Variants in CDH23 observed in about 807,000 individuals in gnomAD.
CDH23 encodes the protein cadherin related 23.
Under a neutral mutation model 317.1 loss-of-function variants are expected in CDH23, and 189 were observed. The ratio of observed to expected loss-of-function variants is 0.60; its 90% CI spans 0.53 to 0.67. CDH23 has a LOEUF of 0.67. Among genes scored for constraint, CDH23 ranks in the 30% least tolerant of loss-of-function variants. The probability of loss-of-function intolerance (pLI) is 0.00; values close to 1 mark genes in which losing one functional copy is unlikely to be tolerated. For missense variants in CDH23, 4,401 were observed against 4,592.4 expected, an observed-to-expected ratio of 0.96 and a Z score of 1.20; for synonymous variants, 1,839 against 1,876.8, an observed-to-expected ratio of 0.98 and a Z score of 0.52.
At position 71,535,361 on chromosome 10, in the gene CDH23, C is replaced by T. The variant is rs570356006; in HGVS notation, c.429+24149C>T. Among the ~76,000 whole-genome samples the T allele has an allele frequency of 5.9e-3, 899 of 152,334 alleles. 12 individuals are homozygous for T. Among genetic ancestry groups the T allele is most frequent in the Non-Finnish European group, 5.3e-3 (362 of 68,036 alleles). On this transcript the variant is annotated intron_variant, in intron 6 of 69. Transcript: ENST00000224721. ...TCACACAGGGCGTGGCCCCTCCTGC[C>T]TTTCCCAGCCCGTTCCGGTGGTGAG...
chr10:71,786,488 C>CTTTTTTTT (rs71018221), intron 44 of CDH23, among the ~76,000 whole-genome samples: 3 of 105,376 alleles, frequency 2.8e-5, no homozygotes, highest in African/African-American at 8.0e-5. Context: ...GCTTCCTACT[C>CTTTTTTTT]TTTTTTTTTT....
chr10:71,637,919 C>A (rs1460078724), intron 11 of CDH23, among the ~76,000 whole-genome samples: 1 of 151,138 alleles, frequency 6.6e-6, no homozygotes. Context: ...TGACCCTGGT[C>A]CTTCCTCTTC....
intron 14 of CDH23, among the ~76,000 whole-genome samples, chr10:71,673,435 T>C (rs548146905): frequency 1.3e-5 from 2 of 152,226 alleles, no homozygotes; most frequent in Non-Finnish European, 2.9e-5. Flanking sequence ...TGATTGTCAG[T>C]GGAACCTGGG....
chr10:71,484,297 C>T (rs1403517496), intron 3 of CDH23, among the ~76,000 whole-genome samples: 1 of 152,208 alleles, frequency 6.6e-6, no homozygotes, highest in Non-Finnish European at 1.5e-5. Context: ...GCAGACAGGG[C>T]CAAAGTGCTT....
intron 1 of CDH23, among the ~76,000 whole-genome samples, chr10:71,415,310 A>G (rs1317744513): frequency 1.3e-5 from 2 of 152,070 alleles, no homozygotes; most frequent in Admixed American, 6.6e-5. Context: ...TGCTTAGGCT[A>G]TTCTTCAAAT....
At chr10:71,488,235 G>A (rs1199749455) in intron 3 of CDH23, among the ~76,000 whole-genome samples, 1 of 152,236 alleles carries the variant, frequency 6.6e-6, no homozygotes, top group Non-Finnish European at 1.5e-5. Flanking sequence ...GAAGTGTGGA[G>A]GAAAGGCATT....
rs727505162 is a variant in CDH23 at position 71,810,516 on chromosome 10, A to G, written c.9024A>G (p.Glu3008=). The change falls in exon 62 of 70, where the codon GAA becomes GAG. Residue 3008 remains glutamate, a synonymous_variant. Coordinates refer to ENST00000224721, the MANE Select transcript of CDH23 (RefSeq NM_022124.6). ...KKGRVNFAQT[E]LLIHVVNRDT... ...GCCGGGTGAACTTTGCGCAGACAGAACTGCTTATCCACGTGGTGAACCGCG... is the reference window on the plus strand; with the variant it reads ...GCCGGGTGAACTTTGCGCAGACAGAGCTGCTTATCCACGTGGTGAACCGCG... The G allele has an allele frequency of 2.5e-6, 4 of 1,613,828 alleles. No homozygotes were observed. The highest frequency in any genetic ancestry group is 1.7e-5 in the Admixed American group (1 of 59,992).
chr10:71,548,120 A>C (rs1856386089), intron 6 of CDH23, among the ~76,000 whole-genome samples: 1 of 152,208 alleles, frequency 6.6e-6, no homozygotes, highest in Non-Finnish European at 1.5e-5. Context: ...TGACGTTCAG[A>C]AATGAGCACT....
intron 9 of CDH23, among the ~76,000 whole-genome samples, chr10:71,586,431 A>T (rs1016466883): frequency 6.6e-6 from 1 of 152,138 alleles, no homozygotes; most frequent in Non-Finnish European, 1.5e-5. Context: ...CACAGAATTG[A>T]TTTAAACGTA....
chr10:71,560,335 AG>A (rs1457650647), intron 6 of CDH23, among the ~76,000 whole-genome samples: 3 of 151,990 alleles, frequency 2.0e-5, no homozygotes, highest in Admixed American at 2.0e-4. Flanking sequence ...GCAATTTTGA[AG>A]TACCCTCCTT....
intron 38 of CDH23, among the ~76,000 whole-genome samples, chr10:71,754,668 T>C (rs755607784): frequency 1.3e-5 from 2 of 152,200 alleles, no homozygotes; most frequent in Non-Finnish European, 1.5e-5. Context: ...GGCAAGTTAC[T>C]TAACCCCTCT....
chr10:71,638,242 A>G (rs528046597), intron 11 of CDH23, among the ~76,000 whole-genome samples: 1 of 152,278 alleles, frequency 6.6e-6, no homozygotes, highest in African/African-American at 2.4e-5. Context: ...CTGTTCCTCA[A>G]CGTTGAACTG....
chr10:71,443,473 G>A (rs1464765620), intron 2 of CDH23, among the ~76,000 whole-genome samples: 1 of 152,246 alleles, frequency 6.6e-6, no homozygotes, highest in African/African-American at 2.4e-5. Flanking sequence ...CCCTCTCTGT[G>A]CCCTTCTCTC....
intron 13 of CDH23, 41 bp downstream of exon 13, chr10:71,646,021 G>A (rs200103711): frequency 1.9e-6 from 3 of 1,593,218 alleles, no homozygotes; most frequent in South Asian, 1.1e-5. Context: ...GGGGTGGGGG[G>A]TGGATTTCAG....
rs200324241 is a variant in CDH23, at chr10:71,646,614, C to A, written c.1446C>A (p.Val482=). 1.0e-4 allele frequency: 169 copies of A among 1,614,002 alleles called. 1 individual carries two copies. The African/African-American group carries it at 1.5e-3, about 15-fold the overall frequency. ...CCGTGGGGACCTCTGTGCTGACAGT[C>A]CTGGTGAGTCCCCGCTTCACTGCAG... ...NVTVGTSVLT[V]LATDNDAGTF... Residue 482 remains valine (V), a synonymous_variant, in exon 14 of 70, where the codon GTC becomes GTA. Transcript: ENST00000224721.
At chr10:71,613,883 A>C (rs1311478139) in intron 9 of CDH23, among the ~76,000 whole-genome samples, 1 of 152,236 alleles carries the variant, frequency 6.6e-6, no homozygotes, top group Non-Finnish European at 1.5e-5. Context: ...CCCATTCTCC[A>C]GGAACCACCT....
chr10:71,402,861 A>G (rs1847849189), intron 1 of CDH23, among the ~76,000 whole-genome samples: 1 of 151,966 alleles, frequency 6.6e-6, no homozygotes, highest in African/African-American at 2.4e-5. Context: ...TCACGCCTGT[A>G]ATCCCAGCAC....
intron 9 of CDH23, among the ~76,000 whole-genome samples, chr10:71,594,522 CA>C (rs1443185788): frequency 8.5e-5 from 13 of 152,152 alleles, no homozygotes; most frequent in African/African-American, 3.1e-4. Flanking sequence ...TATGGGCATG[CA>C]CCACCACACC....
intron 29 of CDH23, among the ~76,000 whole-genome samples, chr10:71,724,469 A>C (rs1254334716): frequency 6.6e-6 from 1 of 152,130 alleles, no homozygotes; most frequent in Non-Finnish European, 1.5e-5. Context: ...CATGCCTGTA[A>C]TTTTTTGTGC....
Sources: allele counts gnomAD v4.1 joint callset (sites outside exome capture counted in the v4.1 genomes callset), GRCh38; gene constraint gnomAD v4.1.1; transcripts MANE v1.5; gene names NCBI Gene and HGNC (gene_info 2026-07-23, HGNC 2026-07-21).